The following MAP2K5 variants were observed in gnomAD, a reference collection of about 807,000 sequenced individuals.
MAP2K5 encodes mitogen-activated protein kinase kinase 5, also known as dual specificity mitogen-activated protein kinase kinase 5.
Under a neutral mutation model 83.1 loss-of-function variants are expected in MAP2K5, and 49 were observed. The ratio of observed to expected loss-of-function variants is 0.59; its 90% CI spans 0.47 to 0.75. The LOEUF (loss-of-function observed/expected upper bound fraction) is 0.75, where lower values mean the gene tolerates loss of function less well. MAP2K5 is among the 30% of genes least tolerant of loss of function. MAP2K5 has a pLI of 0.00. For synonymous variants in MAP2K5, 202 were observed against 191.8 expected, an observed-to-expected ratio of 1.05 and a Z score of -0.44; for missense variants, 457 against 557.5, an observed-to-expected ratio of 0.82 and a Z score of 1.82.
chr15:67,572,167 G>A lies in MAP2K5; in HGVS notation c.253-8587G>A, dbSNP rs2084960825. Among the ~76,000 whole-genome samples the A allele has an allele frequency of 6.6e-6, 1 of 152,160 alleles. No individual in the cohort carries two copies. The highest frequency in any genetic ancestry group is 1.5e-5 in the Non-Finnish European group (1 of 68,030). ...CAAGGGGACTAGGAAGGATGTTTGG[G>A]GCAGAAAGAACAGTGTGTTTAAAGA... On this transcript the variant is annotated intron_variant, in intron 3 of 21. Coordinates refer to ENST00000178640, the MANE Select transcript of MAP2K5 (RefSeq NM_145160.3). This position sits in a 1 kb window ranked among gnomAD's most constrained non-coding sequence, Gnocchi z 4.2.
chr15:67,621,434 GAAAA>G (rs11449678), intron 8 of MAP2K5, among the ~76,000 whole-genome samples: 2 of 118,990 alleles, frequency 1.7e-5, no homozygotes, highest in African/African-American at 6.6e-5. Context: ...ACAAAAGTTT[GAAAA>G]AAAAAAAAAA....
At chr15:67,549,078 C>A in intron 1 of MAP2K5, 1 of 1,528,892 alleles carries the variant, frequency 6.5e-7, no homozygotes, top group South Asian at 1.2e-5. Flanking sequence ...GCGGCTTTGT[C>A]AGCCGGCTGC....
At chr15:67,800,307 G>T (rs1011547416) in intron 21 of MAP2K5, among the ~76,000 whole-genome samples, 1 of 152,124 alleles carries the variant, frequency 6.6e-6, no homozygotes, top group Admixed American at 6.6e-5. Context: ...TAATGTAGAA[G>T]TGGGGTTTTT....
rs915856301 is a variant in MAP2K5, at chr15:67,561,810, C to T, written c.185-1473C>T. Reference sequence around the variant, plus strand: ...ATTGTGAAAGAACACAAGCTTCCTCCTAGGGTCCCCATAGCCTAGTCACCA... The same window carrying T: ...ATTGTGAAAGAACACAAGCTTCCTCTTAGGGTCCCCATAGCCTAGTCACCA... On this transcript the variant is annotated intron_variant, in intron 2 of 21. Coordinates refer to ENST00000178640, the MANE Select transcript of MAP2K5 (RefSeq NM_145160.3). The surrounding 1 kb of genome is among the most constrained non-coding windows in gnomAD (Gnocchi z 4.2). Among the ~76,000 whole-genome samples, 3 of 152,034 alleles carry T rather than the reference C, an allele frequency of 2.0e-5. No individual in the cohort carries two copies. The highest frequency in any genetic ancestry group is 4.4e-5 in the Non-Finnish European group (3 of 67,936).
At position 67,692,333 on chromosome 15, in the gene MAP2K5, C is replaced by T. The variant is rs924040052; in HGVS notation, c.848-146C>T. The T allele has an allele frequency of 5.4e-6, 3 of 550,570 alleles. No individual in the cohort carries two copies. In the African/African-American group the frequency reaches 5.8e-5, roughly 11 times the overall value. 34.1% of individuals were successfully genotyped at this position (550,570 alleles called of 1,614,324 possible). A position where few individuals can be genotyped will look rare whatever the true frequency, so the allele number is the denominator to read the frequency against. On this transcript the variant is annotated intron_variant, in intron 13 of 21. Coordinates refer to ENST00000178640, the MANE Select transcript of MAP2K5 (RefSeq NM_145160.3). ...TTTTACCTTCGGTTAAAAAAAAATG[C>T]TTTTCATTAAATTTGTGATTTGAAT...
rs1206578716 is a variant in MAP2K5 at position 67,764,922 on chromosome 15, A to G, written c.1135-4680A>G. 6.6e-6 allele frequency among the ~76,000 whole-genome samples: 1 copy of G among 152,232 alleles called. No homozygotes were observed. Among genetic ancestry groups the G allele is most frequent in the African/African-American group, 2.4e-5 (1 of 41,462 alleles). ...AATCTAGGCCTCATCTAATTGTTTA[A>G]AAATAGTCCCTATCCCTTACCTTTT... On this transcript the variant is annotated intron_variant, in intron 19 of 21. Transcript: ENST00000178640. This position sits in a 1 kb window ranked among gnomAD's most constrained non-coding sequence, Gnocchi z 4.9.
At chr15:67,739,462 ATTTTTTTTTTTTTTTTTTT>A (rs1168539325) in intron 17 of MAP2K5, among the ~76,000 whole-genome samples, 49 of 27,002 alleles carry the variant, frequency 1.8e-3, no homozygotes, top group South Asian at 4.3e-3. Flanking sequence ...ATATATATAT[ATTTTTTTTTTTTTTTTTTT>A]TTTTTTTTTT....
Position 67,563,130 on chromosome 15 carries a change from A to G in MAP2K5, c.185-153A>G, listed in dbSNP as rs938942629. On this transcript the variant is annotated intron_variant, in intron 2 of 21. Transcript: ENST00000178640. This position sits in a 1 kb window ranked among gnomAD's most constrained non-coding sequence, Gnocchi z 4.5. Reference sequence around the variant, plus strand: ...GAGATTCTGATCATATTCCAAATGGAAAACAAAACAACAAACTAATAATGT... The same window carrying G: ...GAGATTCTGATCATATTCCAAATGGGAAACAAAACAACAAACTAATAATGT... Among the ~76,000 whole-genome samples, 1 of 152,214 alleles carries G rather than the reference A, an allele frequency of 6.6e-6. No individual in the cohort carries two copies. Among genetic ancestry groups the G allele is most frequent in the African/African-American group, 2.4e-5 (1 of 41,458 alleles).
At chr15:67,574,381 G>A (rs1452664644) in intron 3 of MAP2K5, among the ~76,000 whole-genome samples, 1 of 151,734 alleles carries the variant, frequency 6.6e-6, no homozygotes, top group Admixed American at 6.6e-5. Flanking sequence ...AGACCAGCTT[G>A]GCCAACATGG....
At position 67,736,349 on chromosome 15, in the gene MAP2K5, A is replaced by G. The variant is rs1287674827; in HGVS notation, c.1074+8404A>G. ...CCACCCTTTATGAATTTGGCTTGGT[A>G]TATCACGGCATTTTCTAGACTGCTG... On this transcript the variant is annotated intron_variant, in intron 17 of 21. Coordinates refer to ENST00000178640, the MANE Select transcript of MAP2K5 (RefSeq NM_145160.3). This position sits in a 1 kb window ranked among gnomAD's most constrained non-coding sequence, Gnocchi z 4.3. Among the ~76,000 whole-genome samples the G allele has an allele frequency of 6.6e-6, 1 of 152,222 alleles. No individual in the cohort carries two copies. The highest frequency in any genetic ancestry group is 1.5e-5 in the Non-Finnish European group (1 of 68,042).
chr15:67,714,260 TAA>T (rs891748317), intron 16 of MAP2K5, among the ~76,000 whole-genome samples: 1 of 152,152 alleles, frequency 6.6e-6, no homozygotes, highest in South Asian at 2.1e-4. Context: ...AGCAACCACA[TAA>T]AGTTACTTGA....
Position 67,559,071 on chromosome 15 carries a change from G to A in MAP2K5, c.185-4212G>A, listed in dbSNP as rs962308813. 2.6e-5 allele frequency among the ~76,000 whole-genome samples: 4 copies of A among 152,218 alleles called. No homozygotes were observed. Among genetic ancestry groups the A allele is most frequent in the Non-Finnish European group, 5.9e-5 (4 of 68,028 alleles). ...TGGTCCTGCCCACGTCATTAACTCCGTGCCTGAGAAGGGCTTTAAACATGA... is the reference window on the plus strand; with the variant it reads ...TGGTCCTGCCCACGTCATTAACTCCATGCCTGAGAAGGGCTTTAAACATGA... On this transcript the variant is annotated intron_variant, in intron 2 of 21. Coordinates refer to ENST00000178640, the MANE Select transcript of MAP2K5 (RefSeq NM_145160.3). The surrounding 1 kb of genome is among the most constrained non-coding windows in gnomAD (Gnocchi z 4.7).
At chr15:67,558,913 C>G (rs1357013262) in intron 2 of MAP2K5, among the ~76,000 whole-genome samples, 1 of 152,172 alleles carries the variant, frequency 6.6e-6, no homozygotes, top group Admixed American at 6.5e-5. Flanking sequence ...CAGTGCCCAC[C>G]ACATAGTGGG....
chr15:67,759,626 A>G (rs983227635), intron 19 of MAP2K5, among the ~76,000 whole-genome samples: 2 of 152,108 alleles, frequency 1.3e-5, no homozygotes, highest in Admixed American at 1.3e-4. Flanking sequence ...ATATCCACTC[A>G]TCTTTTACCT....
rs1256492693 is a variant in MAP2K5 at position 67,775,398 on chromosome 15, G to A, written c.1242+2646G>A. 1.3e-5 allele frequency among the ~76,000 whole-genome samples: 2 copies of A among 152,196 alleles called. No homozygotes were observed. The highest frequency in any genetic ancestry group is 2.9e-5 in the Non-Finnish European group (2 of 68,038). The stretch of plus-strand genomic sequence containing the variant: ...TTACATTTTGGGGAGGCCAGGATAC[G>A]TTTCAGCTGCTGTGGTTTTCTGGCA... On this transcript the variant is annotated intron_variant, in intron 21 of 21. Transcript: ENST00000178640. This position sits in a 1 kb window ranked among gnomAD's most constrained non-coding sequence, Gnocchi z 5.3.
chr15:67,753,858 T>C (rs987318486), intron 19 of MAP2K5, among the ~76,000 whole-genome samples: 1 of 152,208 alleles, frequency 6.6e-6, no homozygotes, highest in Non-Finnish European at 1.5e-5. Context: ...TCTAGGTATA[T>C]ATCCAAGAGA....
Position 67,727,790 on chromosome 15 carries a change from A to G in MAP2K5, c.1045-126A>G, listed in dbSNP as rs552149266. On this transcript the variant is annotated intron_variant, in intron 16 of 21. Transcript: ENST00000178640. ...TAATTACAGCAATAATTTAGTTTGTACATTCAAGGTTGTGAACTTTTTTAT... is the reference window on the plus strand; with the variant it reads ...TAATTACAGCAATAATTTAGTTTGTGCATTCAAGGTTGTGAACTTTTTTAT... 19 of 769,732 alleles carry G rather than the reference A, an allele frequency of 2.5e-5. No individual in the cohort carries two copies. In the East Asian group the frequency reaches 4.4e-4, roughly 18 times the overall value. The allele number at this position is 769,732 out of a possible 1,614,324, so 47.7% of individuals were successfully genotyped here. A position where few individuals can be genotyped will look rare whatever the true frequency, so the allele number is the denominator to read the frequency against.
intron 2 of MAP2K5, among the ~76,000 whole-genome samples, chr15:67,557,072 G>A (rs994398033): frequency 9.9e-5 from 15 of 152,162 alleles, no homozygotes; most frequent in African/African-American, 3.6e-4. Flanking sequence ...TGCTGTAAGA[G>A]CTTGACATTC....
Position 67,653,307 on chromosome 15 carries a change from C to T in MAP2K5, c.737-5246C>T, listed in dbSNP as rs190799616. On this transcript the variant is annotated intron_variant, in intron 11 of 21. Coordinates refer to ENST00000178640, the MANE Select transcript of MAP2K5 (RefSeq NM_145160.3). The stretch of plus-strand genomic sequence containing the variant: ...AAAATATTTTTTTTTTTTTTTGAGA[C>T]GGAGTTCTGCTCTTGTTGCCCAGGC... Among the ~76,000 whole-genome samples the T allele has an allele frequency of 5.1e-4, 75 of 146,878 alleles. No individual in the cohort carries two copies. In the East Asian group the frequency reaches 7.9e-3, roughly 16 times the overall value.
Sources: allele counts gnomAD v4.1 joint callset (sites outside exome capture counted in the v4.1 genomes callset), GRCh38; gene constraint gnomAD v4.1.1; non-coding constraint Gnocchi (gnomAD v3.1); transcripts MANE v1.5; gene names NCBI Gene and HGNC (gene_info 2026-07-23, HGNC 2026-07-21).